The following BNC2 variants were observed in gnomAD, a reference collection of about 807,000 sequenced individuals.
The protein encoded by BNC2 is basonuclin zinc finger protein 2.
A neutral mutation model predicts 76.3 loss-of-function variants in BNC2; 20 were observed. That is an observed-to-expected ratio of 0.26 (90% CI 0.18 to 0.38). The LOEUF is 0.38. Ranked by LOEUF, BNC2 falls within the 10% of genes least tolerant of loss-of-function variation. The pLI is 1.00. For missense variants in BNC2, 1,382 were observed against 1,399.8 expected (o/e 0.99, Z 0.20); for synonymous variants, 582 against 514.8 (o/e 1.13, Z -1.77).
Position 16,552,537 on chromosome 9 carries a change from A to T in BNC2, c.662T>A (p.Ile221Asn). The change falls in exon 5 of 7, where the codon ATC becomes AAC. Residue 221 changes from isoleucine (I) to asparagine (N), a missense_variant. Physicochemically the swap from Ile to Asn is moderately radical, Grantham distance 149 (BLOSUM62 -3). Transcript: ENST00000380672. ...WTLRDYVRGY[I>N]LQDAAGKVLD... ...TTCAAGTCCTCTCCCTACCTGAAGG[A>T]TGTATCCTCGGACATAGTCCCGCAG... 6.2e-7 allele frequency: 1 copy of T among 1,614,044 alleles called. No individual in the cohort carries two copies. The highest frequency in any genetic ancestry group is 2.2e-5 in the East Asian group (1 of 44,866).
At chr9:16,592,289 C>T (rs1340793279) in intron 3 of BNC2, among the ~76,000 whole-genome samples, 1 of 152,086 alleles carries the variant, frequency 6.6e-6, no homozygotes, top group Non-Finnish European at 1.5e-5. Context: ...AACGCTATCC[C>T]TCCATCCACT....
intron 3 of BNC2, among the ~76,000 whole-genome samples, chr9:16,678,555 C>A (rs979299854): frequency 3.3e-5 from 5 of 151,770 alleles, no homozygotes; most frequent in African/African-American, 9.7e-5. Context: ...TGAGCCACCG[C>A]GCCTGGCCAT....
chr9:16,870,276 C>T (rs1233438339), intron 1 of BNC2, among the ~76,000 whole-genome samples: 3 of 152,168 alleles, frequency 2.0e-5, no homozygotes, highest in African/African-American at 7.2e-5. Flanking sequence ...ATTCATCCCC[C>T]ACTCCCCTCC....
intron 5 of BNC2, among the ~76,000 whole-genome samples, chr9:16,542,713 A>G (rs1375631178): frequency 2.0e-5 from 3 of 152,226 alleles, no homozygotes; most frequent in African/African-American, 7.2e-5. Context: ...TTCTCCTAGC[A>G]AAGTATTGGC....
intron 1 of BNC2, among the ~76,000 whole-genome samples, chr9:16,864,495 C>T (rs1012657699): frequency 1.3e-5 from 2 of 152,182 alleles, no homozygotes; most frequent in African/African-American, 2.4e-5. Context: ...TGACAAGCCC[C>T]GCACAGGCAA....
chr9:16,518,292 G>C lies in BNC2; in HGVS notation c.669+34238C>G, dbSNP rs191633157. Among the ~76,000 whole-genome samples, 22 of 152,120 alleles carry C rather than the reference G, an allele frequency of 1.4e-4. 1 individual carries two copies. In the East Asian group the frequency reaches 4.1e-3, roughly 28 times the overall value. ...AACATAAAAAATACAAAATTAGCTG[G>C]GCATGGCGGTGTGCACCTGTGGTCC... On this transcript the variant is annotated intron_variant, in intron 5 of 6. Coordinates refer to ENST00000380672, the MANE Select transcript of BNC2 (RefSeq NM_017637.6).
chr9:16,863,211 C>T (rs532990974), intron 1 of BNC2, among the ~76,000 whole-genome samples: 19 of 152,250 alleles, frequency 1.2e-4, no homozygotes, highest in African/African-American at 4.6e-4. Flanking sequence ...CCACGCCCTG[C>T]CCCATCTCAA....
chr9:16,818,323 G>A (rs904570219), intron 1 of BNC2, among the ~76,000 whole-genome samples: 15 of 152,174 alleles, frequency 9.9e-5, no homozygotes, highest in African/African-American at 3.4e-4. Context: ...AGAATGGCGT[G>A]AACCTTGGAG....
chr9:16,787,613 G>C (rs1164377385), intron 1 of BNC2, among the ~76,000 whole-genome samples: 1 of 152,156 alleles, frequency 6.6e-6, no homozygotes, highest in African/African-American at 2.4e-5. Flanking sequence ...TCTATATCCG[G>C]TACCTTTTGA....
chr9:16,794,679 G>A (rs1173597890), intron 1 of BNC2, among the ~76,000 whole-genome samples: 2 of 152,200 alleles, frequency 1.3e-5, no homozygotes, highest in Non-Finnish European at 2.9e-5. Flanking sequence ...GTAAGAGCCA[G>A]TAAATCAAAG....
intron 3 of BNC2, among the ~76,000 whole-genome samples, chr9:16,647,660 G>A (rs1055353090): frequency 6.6e-6 from 1 of 152,056 alleles, no homozygotes. Context: ...GGTTTATCAG[G>A]TTAAAGGATA....
intron 3 of BNC2, among the ~76,000 whole-genome samples, chr9:16,616,677 A>C (rs1050602841): frequency 7.4e-5 from 11 of 149,236 alleles, no homozygotes; most frequent in Non-Finnish European, 1.5e-4. Flanking sequence ...CAACAGAGTG[A>C]GATCCTCTCT....
intron 3 of BNC2, among the ~76,000 whole-genome samples, chr9:16,609,499 A>G (rs1247455842): frequency 2.6e-5 from 4 of 152,188 alleles, no homozygotes; most frequent in African/African-American, 7.2e-5. Flanking sequence ...GCTAAATATG[A>G]GCATATAGAA....
At chr9:16,419,759 C>A in intron 6 of BNC2, 110 bp from the exon 7 acceptor site, 1 of 748,198 alleles carries the variant, frequency 1.3e-6, no homozygotes. Flanking sequence ...CAAATAAGCA[C>A]ATTCACTTCT....
chr9:16,659,744 TC>T (rs1184755859), intron 3 of BNC2, among the ~76,000 whole-genome samples: 1 of 152,236 alleles, frequency 6.6e-6, no homozygotes, highest in Non-Finnish European at 1.5e-5. Flanking sequence ...TGCTCAACTG[TC>T]ATCTCCTCAG....
chr9:16,492,688 G>A (rs1210225735), intron 5 of BNC2, among the ~76,000 whole-genome samples: 1 of 150,698 alleles, frequency 6.6e-6, no homozygotes, highest in East Asian at 2.0e-4. Context: ...AATACCAAAA[G>A]CTCCATCCTT....
chr9:16,430,782 A>T (rs1455215361), intron 6 of BNC2, among the ~76,000 whole-genome samples: 1 of 152,230 alleles, frequency 6.6e-6, no homozygotes, highest in East Asian at 1.9e-4. Flanking sequence ...GCAGGTTTTA[A>T]TACATCAAAT....
At chr9:16,534,666 TAAG>T (rs756765938) in intron 5 of BNC2, among the ~76,000 whole-genome samples, 143 of 152,260 alleles carry the variant, frequency 9.4e-4, no homozygotes, top group Admixed American at 1.8e-3. Context: ...CACCCATCTA[TAAG>T]AAGTACAGAG....
At chr9:16,691,504 CTTTTTTTTTTT>C (rs71327842) in intron 3 of BNC2, among the ~76,000 whole-genome samples, 34 of 113,212 alleles carry the variant, frequency 3.0e-4, no homozygotes, top group South Asian at 2.3e-3. Context: ...GGTATGGGTT[CTTTTTTTTTTT>C]TTTTTTTTTT....
Sources: allele counts gnomAD v4.1 joint callset (sites outside exome capture counted in the v4.1 genomes callset), GRCh38; gene constraint gnomAD v4.1.1; transcripts MANE v1.5; gene names NCBI Gene and HGNC (gene_info 2026-07-23, HGNC 2026-07-21).